Variants in CTIF observed in about 807,000 individuals in gnomAD.
CTIF encodes cap binding complex dependent translation initiation factor.
A neutral mutation model predicts 66.0 loss-of-function variants in CTIF; 21 were observed. That is an observed-to-expected ratio of 0.32 (90% CI 0.23 to 0.46). CTIF has a LOEUF of 0.46. CTIF is among the 20% of genes least tolerant of loss of function. The pLI is 1.00. For missense variants in CTIF, 739 were observed against 812.7 expected (o/e 0.91, Z 1.10); for synonymous variants, 345 against 326.4 (o/e 1.06, Z -0.62).
chr18:48,748,924 A>G (rs1907519970), intron 7 of CTIF, among the ~76,000 whole-genome samples: 1 of 152,218 alleles, frequency 6.6e-6, no homozygotes, highest in Non-Finnish European at 1.5e-5. Flanking sequence ...CCTCCCCATG[A>G]GAAAGTTCCT....
intron 7 of CTIF, among the ~76,000 whole-genome samples, chr18:48,730,175 A>AGTGTGAGGGGCCCCCGAG (rs1395080059): frequency 2.0e-5 from 3 of 151,670 alleles, no homozygotes; most frequent in Non-Finnish European, 2.9e-5. Flanking sequence ...GGGCCTCCAC[A>AGTGTGAGGGGCCCCCGAG]GTGTGAGGGG....
At chr18:48,545,142 G>C (rs1187548562) in intron 1 of CTIF, among the ~76,000 whole-genome samples, 1 of 152,220 alleles carries the variant, frequency 6.6e-6, no homozygotes, top group Non-Finnish European at 1.5e-5. Flanking sequence ...GGCGTGCGCA[G>C]GGTGTGGAGG....
chr18:48,635,087 A>T (rs1056520650), intron 2 of CTIF, among the ~76,000 whole-genome samples: 1 of 152,102 alleles, frequency 6.6e-6, no homozygotes, highest in Admixed American at 6.5e-5. Context: ...TTTCAGTTGG[A>T]TAGTGCTGCT....
intron 9 of CTIF, among the ~76,000 whole-genome samples, chr18:48,772,426 C>G (rs1910241011): frequency 6.7e-6 from 1 of 150,330 alleles, no homozygotes; most frequent in Non-Finnish European, 1.5e-5. Flanking sequence ...CCCCGGCACC[C>G]CACCAAACCC....
rs3082465 is a variant in CTIF at position 48,687,305 on chromosome 18, G to GACACACACACAC, written c.507+16596_507+16607dup. Reference sequence around the variant, plus strand: ...TGTTGTTCAAAGAACTCTAGGAGGGGACACACACACACACACACACACACA... The same window carrying GACACACACACAC: ...TGTTGTTCAAAGAACTCTAGGAGGGGACACACACACACACACACACACACACACACACACACA... On this transcript the variant is annotated intron_variant, in intron 6 of 11. Coordinates refer to ENST00000256413, the MANE Select transcript of CTIF (RefSeq NM_014772.3). Among the ~76,000 whole-genome samples the GACACACACACAC allele has an allele frequency of 8.0e-3, 1,031 of 128,616 alleles. 22 individuals are homozygous for GACACACACACAC. Among genetic ancestry groups the GACACACACACAC allele is most frequent in the African/African-American group, 0.021 (674 of 32,450 alleles). The allele number at this position is 128,616 out of a possible 152,430, so 84.4% of individuals were successfully genotyped here.
intron 10 of CTIF, among the ~76,000 whole-genome samples, chr18:48,833,137 C>A (rs2068730619): frequency 6.6e-6 from 1 of 152,226 alleles, no homozygotes; most frequent in South Asian, 2.1e-4. Flanking sequence ...CTCCTGCTGG[C>A]CACACAGAGG....
chr18:48,728,961 TC>T (rs1281656342), intron 7 of CTIF, among the ~76,000 whole-genome samples: 1 of 152,040 alleles, frequency 6.6e-6, no homozygotes, highest in Non-Finnish European at 1.5e-5. Flanking sequence ...CATTGCTTTT[TC>T]CCCCCACTTT....
At chr18:48,588,073 G>A (rs2089809322) in intron 1 of CTIF, among the ~76,000 whole-genome samples, 2 of 152,104 alleles carry the variant, frequency 1.3e-5, no homozygotes, top group South Asian at 2.1e-4. Context: ...GCATCTCCCC[G>A]GGGAGGCTCA....
At chr18:48,656,748 T>C (rs1473841836) in intron 3 of CTIF, among the ~76,000 whole-genome samples, 1 of 152,174 alleles carries the variant, frequency 6.6e-6, no homozygotes, top group African/African-American at 2.4e-5. Context: ...AACAACCCAC[T>C]GAAAAGGATG....
chr18:48,548,547 T>C (rs2145510767), intron 1 of CTIF, among the ~76,000 whole-genome samples: 1 of 152,294 alleles, frequency 6.6e-6, no homozygotes, highest in East Asian at 1.9e-4. Context: ...ATTCAGCAGA[T>C]TGGGTAATAA....
chr18:48,611,019 A>G (rs2090298482), intron 1 of CTIF, among the ~76,000 whole-genome samples: 1 of 152,198 alleles, frequency 6.6e-6, no homozygotes, highest in Non-Finnish European at 1.5e-5. Context: ...GACTCTCAGC[A>G]GGGGTCCCTG....
chr18:48,560,275 G>A lies in CTIF; in HGVS notation c.-29+20963G>A, dbSNP rs561391787. Among the ~76,000 whole-genome samples, 30 of 149,754 alleles carry A rather than the reference G, an allele frequency of 2.0e-4. 1 individual carries two copies. In the South Asian group the frequency reaches 4.5e-3, roughly 22 times the overall value. On this transcript the variant is annotated intron_variant, in intron 1 of 11. Coordinates refer to ENST00000256413, the MANE Select transcript of CTIF (RefSeq NM_014772.3). ...AGAGTCTCGCTCTGTTGCCCAGGCC[G>A]GAGTGAAGTGGTGTGATCTCGGCTC... is the stretch of plus-strand genomic sequence containing the variant.
At chr18:48,657,907 C>G (rs2091271330) in intron 3 of CTIF, among the ~76,000 whole-genome samples, 1 of 152,172 alleles carries the variant, frequency 6.6e-6, no homozygotes, top group East Asian at 1.9e-4. Flanking sequence ...TCTTCTCTGT[C>G]CTCAGCTTGA....
intron 10 of CTIF, among the ~76,000 whole-genome samples, chr18:48,824,838 C>T (rs1208176206): frequency 1.3e-5 from 2 of 152,124 alleles, no homozygotes; most frequent in East Asian, 1.9e-4. Flanking sequence ...GACGGGGTTT[C>T]GCCATGTTGG....
At chr18:48,778,769 T>G (rs4939562) in intron 9 of CTIF, among the ~76,000 whole-genome samples, 106,062 of 152,128 alleles carry the variant, frequency 0.7, 38,022 homozygotes, top group African/African-American at 0.89. Context: ...GTGAGCACCT[T>G]GGGTTGGGAG....
At chr18:48,586,887 T>C (rs16949569) in intron 1 of CTIF, among the ~76,000 whole-genome samples, 6,669 of 152,078 alleles carry the variant, frequency 0.044, 495 homozygotes, top group African/African-American at 0.15. Flanking sequence ...TTGGGAACAT[T>C]AGAAAAACTG....
At chr18:48,703,989 G>C (rs2092118304) in intron 6 of CTIF, among the ~76,000 whole-genome samples, 1 of 152,204 alleles carries the variant, frequency 6.6e-6, no homozygotes, top group Non-Finnish European at 1.5e-5. Context: ...TCTGGGCCTG[G>C]GGGGAAGCGT....
At chr18:48,735,506 T>C (rs1403084571) in intron 7 of CTIF, among the ~76,000 whole-genome samples, 1 of 151,972 alleles carries the variant, frequency 6.6e-6, no homozygotes, top group Non-Finnish European at 1.5e-5. Context: ...AGGAAGCACG[T>C]GGCAGGTGGA....
At chr18:48,583,996 C>T (rs974202885) in intron 1 of CTIF, among the ~76,000 whole-genome samples, 1 of 152,168 alleles carries the variant, frequency 6.6e-6, no homozygotes, top group African/African-American at 2.4e-5. Context: ...GCCTCTATAA[C>T]CCTTACAGCA....
Sources: allele counts gnomAD v4.1 joint callset (sites outside exome capture counted in the v4.1 genomes callset), GRCh38; gene constraint gnomAD v4.1.1; transcripts MANE v1.5; gene names NCBI Gene and HGNC (gene_info 2026-07-23, HGNC 2026-07-21).